CSMD1: variants seen among roughly 807,000 people sequenced by gnomAD.
CSMD1 encodes CUB and sushi domain-containing protein 1.
CSMD1 carries 213 observed loss-of-function variants against 417.5 expected under a neutral mutation model. That is an observed-to-expected ratio of 0.51 (90% confidence interval 0.46 to 0.57). The LOEUF is 0.57. Ranked by LOEUF, CSMD1 falls within the 20% of genes least tolerant of loss-of-function variation. The probability of loss-of-function intolerance (pLI) is 0.00; values close to 1 mark genes in which losing one functional copy is unlikely to be tolerated. For synonymous variants in CSMD1, 2,862 were observed against 1,736.8 expected (o/e 1.65, Z -16.11); for missense variants, 6,923 against 4,529.7 (o/e 1.53, Z -15.17).
At chr8:3,778,273 C>A (rs984286742) in intron 5 of CSMD1, among the ~76,000 whole-genome samples, 2 of 152,208 alleles carry the variant, frequency 1.3e-5, no homozygotes, top group South Asian at 4.1e-4. Flanking sequence ...TTCTATTTGC[C>A]TGTCAGTAGT....
rs541632793 is a variant in CSMD1, at chr8:3,492,351, G to C, written c.1448+1272C>G. ...CCCCATGGGTGTCTCACATAGGGCAGACCAGCTCATCTGGCACCACAGAAA... is the reference window on the plus strand; with the variant it reads ...CCCCATGGGTGTCTCACATAGGGCACACCAGCTCATCTGGCACCACAGAAA... On this transcript the variant is annotated intron_variant, in intron 11 of 69. Coordinates refer to ENST00000635120, the MANE Select transcript of CSMD1 (RefSeq NM_033225.6). Among the ~76,000 whole-genome samples, 164 of 152,200 alleles carry C rather than the reference G, an allele frequency of 1.1e-3. 1 individual carries two copies. The highest frequency in any genetic ancestry group is 3.5e-3 in the African/African-American group (144 of 41,526).
chr8:2,979,187 A>T (rs1332497155), intron 54 of CSMD1, among the ~76,000 whole-genome samples: 1 of 152,044 alleles, frequency 6.6e-6, no homozygotes, highest in East Asian at 1.9e-4. Flanking sequence ...TCTGTGGCAC[A>T]CCAGTTAATT....
chr8:3,541,449 G>C (rs1308755470), intron 10 of CSMD1, among the ~76,000 whole-genome samples: 1 of 151,908 alleles, frequency 6.6e-6, no homozygotes, highest in Admixed American at 6.6e-5. Context: ...GTGATGGGTT[G>C]ATAGGTGTAA....
intron 20 of CSMD1, among the ~76,000 whole-genome samples, chr8:3,364,891 G>T (rs572033693): frequency 6.6e-6 from 1 of 152,326 alleles, no homozygotes; most frequent in Admixed American, 6.5e-5. Flanking sequence ...CGTCAAAAGA[G>T]TTACTGTCAG....
intron 3 of CSMD1, among the ~76,000 whole-genome samples, chr8:4,376,377 A>C (rs1333425678): frequency 6.6e-6 from 1 of 152,232 alleles, no homozygotes; most frequent in Non-Finnish European, 1.5e-5. Context: ...TACTGTGAGT[A>C]ACCATATGTA....
At chr8:4,227,818 G>C (rs780213395) in intron 3 of CSMD1, among the ~76,000 whole-genome samples, 1 of 149,344 alleles carries the variant, frequency 6.7e-6, no homozygotes, top group East Asian at 2.0e-4. Context: ...CCCACACCAG[G>C]AGACATACTC....
intron 1 of CSMD1, among the ~76,000 whole-genome samples, chr8:4,688,838 C>A (rs891326452): frequency 6.6e-6 from 1 of 152,144 alleles, no homozygotes; most frequent in Non-Finnish European, 1.5e-5. Context: ...TGATGTGATG[C>A]CTGTTGTAGA....
intron 10 of CSMD1, among the ~76,000 whole-genome samples, chr8:3,532,382 G>C (rs13249635): frequency 5.1e-4 from 77 of 152,280 alleles, no homozygotes; most frequent in Admixed American, 1.2e-3. Context: ...GTGTGTATGA[G>C]CGAGTGGTGA....
chr8:4,617,018 G>A lies in CSMD1; in HGVS notation c.302+20324C>T, dbSNP rs186158423. Among the ~76,000 whole-genome samples the A allele has an allele frequency of 5.3e-5, 8 of 151,794 alleles. No homozygotes were observed. The East Asian group carries it at 1.2e-3, about 22-fold the overall frequency. On this transcript the variant is annotated intron_variant, in intron 2 of 69. Coordinates refer to ENST00000635120, the MANE Select transcript of CSMD1 (RefSeq NM_033225.6). ...ATATTCCATAAGTGATTTCTAACAT[G>A]TTTCTAAAATTTTATTAATTGATGA...
chr8:4,032,964 G>C (rs957987559), intron 3 of CSMD1, among the ~76,000 whole-genome samples: 1 of 151,876 alleles, frequency 6.6e-6, no homozygotes, highest in Non-Finnish European at 1.5e-5. Context: ...CCTCAATTCC[G>C]ATACGAAACA....
chr8:4,107,506 A>T (rs7828949), intron 3 of CSMD1, among the ~76,000 whole-genome samples: 1 of 152,048 alleles, frequency 6.6e-6, no homozygotes, highest in African/African-American at 2.4e-5. Context: ...GAAGAATTCC[A>T]TGTCTACAGC....
At chr8:3,569,594 G>A (rs1041744211) in intron 10 of CSMD1, among the ~76,000 whole-genome samples, 2 of 152,158 alleles carry the variant, frequency 1.3e-5, no homozygotes, top group Admixed American at 1.3e-4. Context: ...ATGCTTCACT[G>A]ATGCTTCTGG....
intron 26 of CSMD1, among the ~76,000 whole-genome samples, chr8:3,269,144 A>G (rs112330430): frequency 5.6e-4 from 85 of 152,350 alleles, no homozygotes; most frequent in African/African-American, 1.9e-3. Flanking sequence ...CTTTCAATCA[A>G]TTCAACACGC....
At chr8:3,360,870 G>C (rs566649046) in intron 20 of CSMD1, among the ~76,000 whole-genome samples, 4 of 128,784 alleles carry the variant, frequency 3.1e-5, no homozygotes, top group African/African-American at 8.8e-5. Context: ...TTTTTTTTTA[G>C]TTTAGTTTTC....
rs759268228 is a variant in CSMD1 at position 4,530,314 on chromosome 8, CTTTTTTTTTT to C, written c.302+107018_302+107027del. On this transcript the variant is annotated intron_variant, in intron 2 of 69. Transcript: ENST00000635120. ...TTCACAGTTTATCGTACAGGTAGTG[CTTTTTTTTTT>C]TTTTTTTTTTTTTTTTTTTTACTTT... Among the ~76,000 whole-genome samples, 256 of 46,690 alleles carry C rather than the reference CTTTTTTTTTT, an allele frequency of 5.5e-3. 1 individual carries two copies. The highest frequency in any genetic ancestry group is 0.02 in the African/African-American group (231 of 11,756). The allele number at this position is 46,690 out of a possible 152,430, so 30.6% of individuals were successfully genotyped here. A position where few individuals can be genotyped will look rare whatever the true frequency, so the allele number is the denominator to read the frequency against.
chr8:4,450,391 G>C (rs907479467), intron 2 of CSMD1, among the ~76,000 whole-genome samples: 6 of 152,158 alleles, frequency 3.9e-5, no homozygotes, highest in African/African-American at 1.2e-4. Flanking sequence ...ACTTTGGAAG[G>C]CTGAGGCAGG....
chr8:3,761,773 T>A (rs937735932), intron 5 of CSMD1, among the ~76,000 whole-genome samples: 1 of 152,150 alleles, frequency 6.6e-6, no homozygotes, highest in Non-Finnish European at 1.5e-5. Context: ...CCTAAAGTGC[T>A]AGGATTACAG....
chr8:3,733,189 ACACACACAC>A (rs1796352953), intron 6 of CSMD1, among the ~76,000 whole-genome samples: 1 of 147,960 alleles, frequency 6.8e-6, no homozygotes, highest in East Asian at 2.0e-4. Flanking sequence ...ACACACACAC[ACACACACAC>A]ACACACACTC....
At chr8:4,829,737 CAAA>C (rs11290763) in intron 1 of CSMD1, among the ~76,000 whole-genome samples, 55 of 109,938 alleles carry the variant, frequency 5.0e-4, no homozygotes, top group Admixed American at 4.7e-4. Flanking sequence ...GACCCTGTCT[CAAA>C]AAAAAAAAAA....
Sources: gnomAD v4.1 joint callset for allele counts (sites outside exome capture counted in the v4.1 genomes callset) on GRCh38, gnomAD v4.1.1 for gene constraint, MANE v1.5 for transcripts, NCBI Gene and HGNC (gene_info 2026-07-23, HGNC 2026-07-21) for gene names.